The following HSD17B12 variants were observed in gnomAD, a reference collection of about 807,000 sequenced individuals.
HSD17B12 encodes the protein hydroxysteroid 17-beta dehydrogenase 12, also known as very-long-chain 3-oxoacyl-CoA reductase.
In HSD17B12, 32 loss-of-function variants were observed where a neutral mutation model predicts 39.3. That is an observed-to-expected ratio of 0.81 (90% CI 0.61 to 1.09). HSD17B12 has a LOEUF of 1.09. Among genes scored for constraint, HSD17B12 ranks in the 50% least tolerant of loss-of-function variants. The pLI, the probability that HSD17B12 is intolerant of heterozygous loss-of-function variation, is 0.00. For synonymous variants in HSD17B12, 150 were observed against 146.7 expected (o/e 1.02, Z -0.16); for missense variants, 342 against 382.9 (o/e 0.89, Z 0.89).
Position 43,781,414 on chromosome 11 carries a change from T to C in HSD17B12, c.284-16906T>C, listed in dbSNP as rs117103719. On this transcript the variant is annotated intron_variant, in intron 3 of 10. Transcript: ENST00000278353. ...GCATTTTTAGAGAAAGTCTGGTCTG[T>C]CTTTTGTTTTAAAAAAAGAATACAC... is the stretch of plus-strand genomic sequence containing the variant. Among the ~76,000 whole-genome samples the C allele has an allele frequency of 2.2e-3, 337 of 152,334 alleles. 1 individual carries two copies. The Middle Eastern group carries it at 0.034, about 15-fold the overall frequency.
At chr11:43,678,786 T>C (rs1239343688), upstream of HSD17B12, among the ~76,000 whole-genome samples, 3 of 152,214 alleles carry the variant, frequency 2.0e-5, no homozygotes, top group Non-Finnish European at 4.4e-5. Flanking sequence ...TCTGTTCCAT[T>C]GGTTTATATC....
intron 9 of HSD17B12, among the ~76,000 whole-genome samples, chr11:43,840,795 T>A (rs1951418305): frequency 6.6e-6 from 1 of 152,228 alleles, no homozygotes; most frequent in Admixed American, 6.5e-5. Flanking sequence ...CTGGGTTGTT[T>A]CTACCTGTTG....
At chr11:43,642,282 A>T in the HSD17B12 span, among the ~76,000 whole-genome samples, 4 of 151,724 alleles carry the variant, frequency 2.6e-5, no homozygotes, top group Non-Finnish European at 5.9e-5. Context: ...AAGTATATAG[A>T]TTAAGACCTA....
chr11:43,750,963 T>C lies in HSD17B12; in HGVS notation c.207+6T>C. On this transcript the variant is annotated splice_donor_region_variant and intron_variant, in intron 2 of 10. Coordinates refer to ENST00000278353, the MANE Select transcript of HSD17B12 (RefSeq NM_016142.3). ...GAAAATCATATGCAGAAGAGGTAGG[T>C]GATTTTCAAGATCTTTCCTTTTAAT... is the stretch of plus-strand genomic sequence containing the variant. 1 of 1,575,296 alleles carries C rather than the reference T, an allele frequency of 6.3e-7. No homozygotes were observed. The highest frequency in any genetic ancestry group is 8.7e-7 in the Non-Finnish European group (1 of 1,150,760).
intron 1 of HSD17B12, among the ~76,000 whole-genome samples, chr11:43,681,718 T>C (rs1167864977): frequency 6.6e-6 from 1 of 151,620 alleles, no homozygotes; most frequent in Non-Finnish European, 1.5e-5. Flanking sequence ...AGTATACCCG[T>C]AAAGAGTGAA....
intron 5 of HSD17B12, 59 bp downstream of exon 5, chr11:43,815,560 T>C: frequency 9.6e-7 from 1 of 1,038,460 alleles, no homozygotes; most frequent in Non-Finnish European, 1.5e-6. Flanking sequence ...ATTGGTATAA[T>C]GATTCACACT....
chr11:43,587,491 TC>T, the HSD17B12 span, among the ~76,000 whole-genome samples: 2 of 152,212 alleles, frequency 1.3e-5, no homozygotes, highest in African/African-American at 4.8e-5. Context: ...TTCTTTTTTT[TC>T]CCCCATTAGC....
intron 3 of HSD17B12, among the ~76,000 whole-genome samples, chr11:43,764,560 G>A (rs993624296): frequency 3.3e-5 from 5 of 152,108 alleles, no homozygotes; most frequent in South Asian, 4.1e-4. Context: ...TGAAATCACC[G>A]ACTATAATTA....
the HSD17B12 span, among the ~76,000 whole-genome samples, chr11:43,659,249 G>A: frequency 6.6e-6 from 1 of 152,240 alleles, no homozygotes; most frequent in Non-Finnish European, 1.5e-5. Context: ...GAAGAGCGCA[G>A]TATTAGGGTG....
chr11:43,703,237 C>T (rs1949982538), intron 1 of HSD17B12, among the ~76,000 whole-genome samples: 2 of 152,142 alleles, frequency 1.3e-5, no homozygotes, highest in South Asian at 4.1e-4. Context: ...CTCTGTCACC[C>T]AGGCTGGAGT....
chr11:43,851,394 C>A (rs7131204), intron 9 of HSD17B12, among the ~76,000 whole-genome samples: 54,595 of 151,984 alleles, frequency 0.36, 10,550 homozygotes, highest in East Asian at 0.69. Context: ...ACTAATTATC[C>A]CTTGTTGGGT....
the HSD17B12 span, among the ~76,000 whole-genome samples, chr11:43,620,299 G>C: frequency 6.6e-6 from 1 of 152,124 alleles, no homozygotes; most frequent in African/African-American, 2.4e-5. Context: ...CCATTTTATA[G>C]ATGAGGAAAC....
Position 43,855,418 on chromosome 11 carries a change from CAT to C in HSD17B12, c.*175_*176del, listed in dbSNP as rs763291488. ...AGAAGTTGCTTTTAGGGGTTTCTGA[CAT>C]ATATTCTGGATACTATCCGAGGTAA... On this transcript the variant is annotated 3_prime_UTR_variant, in exon 11 of 11. Coordinates refer to ENST00000278353, the MANE Select transcript of HSD17B12 (RefSeq NM_016142.3). 3 of 437,454 alleles carry C rather than the reference CAT, an allele frequency of 6.9e-6. No homozygotes were observed. The highest frequency in any genetic ancestry group is 1.2e-5 in the Non-Finnish European group (3 of 248,094). The allele number at this position is 437,454 out of a possible 1,614,324, so 27.1% of individuals were successfully genotyped here.
intron 3 of HSD17B12, among the ~76,000 whole-genome samples, chr11:43,779,617 C>G (rs1358402441): frequency 2.0e-5 from 3 of 152,176 alleles, no homozygotes; most frequent in African/African-American, 7.2e-5. Flanking sequence ...ATTGAAGACT[C>G]TGTGTTCCAC....
At chr11:43,804,075 C>T (rs1316002733) in intron 4 of HSD17B12, among the ~76,000 whole-genome samples, 3 of 152,120 alleles carry the variant, frequency 2.0e-5, no homozygotes, top group Non-Finnish European at 1.5e-5. Context: ...ACAGACAATA[C>T]TTTTTTCAAA....
At chr11:43,782,149 G>T (rs1023714954) in intron 3 of HSD17B12, among the ~76,000 whole-genome samples, 2 of 152,116 alleles carry the variant, frequency 1.3e-5, no homozygotes, top group African/African-American at 4.8e-5. Context: ...CCCCTACAAA[G>T]CTCACATATT....
At chr11:43,578,716 C>T in the HSD17B12 span, among the ~76,000 whole-genome samples, 1 of 133,746 alleles carries the variant, frequency 7.5e-6, no homozygotes, top group Admixed American at 7.5e-5. Context: ...GCGGTCGGGG[C>T]GGGAGTGGTG....
chr11:43,610,327 A>G, the HSD17B12 span, among the ~76,000 whole-genome samples: 1 of 152,200 alleles, frequency 6.6e-6, no homozygotes, highest in Non-Finnish European at 1.5e-5. Flanking sequence ...ATTGGTGATT[A>G]ATGATCACTG....
chr11:43,826,457 G>A (rs1204512857), intron 6 of HSD17B12, among the ~76,000 whole-genome samples: 4 of 152,030 alleles, frequency 2.6e-5, no homozygotes, highest in Non-Finnish European at 2.9e-5. Flanking sequence ...TAATTGGCAT[G>A]GAGCTCTTTG....
Sources: gnomAD v4.1 joint callset for allele counts (sites outside exome capture counted in the v4.1 genomes callset) on GRCh38, gnomAD v4.1.1 for gene constraint, MANE v1.5 for transcripts, NCBI Gene and HGNC (gene_info 2026-07-23, HGNC 2026-07-21) for gene names.